Variants in LRRK1 observed in about 807,000 individuals in gnomAD.
LRRK1 encodes the protein leucine-rich repeat serine/threonine-protein kinase 1.
In LRRK1, 113 loss-of-function variants were observed where a neutral mutation model predicts 209.1. The observed-to-expected ratio is 0.54, with a 90% CI of 0.46 to 0.63. The LOEUF (loss-of-function observed/expected upper bound fraction) is 0.63. Among genes scored for constraint, LRRK1 ranks in the 30% least tolerant of loss-of-function variants. LRRK1 has a pLI of 0.00. For missense variants in LRRK1, 2,284 were observed against 2,632.2 expected, an observed-to-expected ratio of 0.87 and a Z score of 2.89; for synonymous variants, 1,144 against 1,099.7, an observed-to-expected ratio of 1.04 and a Z score of -0.80.
Position 101,012,163 on chromosome 15 carries a change from T to A in LRRK1, c.1419+18T>A. On this transcript the variant is annotated intron_variant, in intron 10 of 33. Transcript: ENST00000388948. ...AGCTTGATGTAAGCCTAATAGCCCT[T>A]TCTTTCTCATTTTCGGCTTTTGAGA... 1 of 1,577,664 alleles carries A rather than the reference T, an allele frequency of 6.3e-7. No individual in the cohort carries two copies. The highest frequency in any genetic ancestry group is 8.6e-7 in the Non-Finnish European group (1 of 1,166,336).
At chr15:100,987,809 A>C (rs1241012427) in intron 4 of LRRK1, among the ~76,000 whole-genome samples, 9 of 152,312 alleles carry the variant, frequency 5.9e-5, no homozygotes, top group African/African-American at 1.9e-4. Flanking sequence ...AAATTATTTT[A>C]TTTCTAAAAT....
intron 6 of LRRK1, among the ~76,000 whole-genome samples, chr15:101,003,498 C>T (rs1213415279): frequency 6.6e-6 from 1 of 152,162 alleles, no homozygotes; most frequent in African/African-American, 2.4e-5. Context: ...GTTTAATGGA[C>T]TCACAGTTCC....
rs2033795334 is a variant in LRRK1, at chr15:101,021,697, G to C, written c.1740-148G>C. 5 of 590,774 alleles carry C rather than the reference G, an allele frequency of 8.5e-6. No individual in the cohort carries two copies. In the East Asian group the frequency reaches 1.5e-4, roughly 17 times the overall value. 36.6% of individuals were successfully genotyped at this position (590,774 alleles called of 1,614,324 possible). A position where few individuals can be genotyped will look rare whatever the true frequency, so the allele number is the denominator to read the frequency against. ...CTGATCCTCCAGGAGAAAGCCTTTG[G>C]AATTAGTGTTGAAATCAGGGCTCAA... On this transcript the variant is annotated intron_variant, in intron 13 of 33. Transcript: ENST00000388948.
chr15:101,012,973 G>A (rs1321870713), intron 10 of LRRK1, among the ~76,000 whole-genome samples: 1 of 152,178 alleles, frequency 6.6e-6, no homozygotes, highest in Admixed American at 6.5e-5. Context: ...CAGCCCCTGG[G>A]CCCCTGTTCT....
intron 28 of LRRK1, among the ~76,000 whole-genome samples, chr15:101,057,261 T>A (rs2035864976): frequency 6.6e-6 from 1 of 152,216 alleles, no homozygotes; most frequent in Non-Finnish European, 1.5e-5. Flanking sequence ...AAACTTCCTT[T>A]TCCTCCCCGA....
intron 12 of LRRK1, among the ~76,000 whole-genome samples, chr15:101,017,902 T>C (rs2033615858): frequency 6.6e-6 from 1 of 150,484 alleles, no homozygotes; most frequent in African/African-American, 2.4e-5. Context: ...AACAATCAGG[T>C]TTAAGTATAA....
At chr15:100,927,632 G>GT (rs2042138996) in intron 2 of LRRK1, among the ~76,000 whole-genome samples, 2 of 152,204 alleles carry the variant, frequency 1.3e-5, no homozygotes, top group African/African-American at 4.8e-5. Context: ...AGAACACAGA[G>GT]TTGAAGAGGA....
rs2036777259 is a variant in LRRK1 at position 101,070,828 on chromosome 15, CT to C, written c.*1982del. 6.6e-6 allele frequency: 1 copy of C among 150,814 alleles called. No homozygotes were observed. Among genetic ancestry groups the C allele is most frequent in the Admixed American group, 6.6e-5 (1 of 15,130 alleles). 9.3% of individuals were successfully genotyped at this position (150,814 alleles called of 1,614,324 possible). ...AAAAATACAGGAAATGACTAATGAA[CT>C]TGACTCCATGAAATTGAAACTTACG... On this transcript the variant is annotated 3_prime_UTR_variant, in exon 34 of 34. Coordinates refer to ENST00000388948, the MANE Select transcript of LRRK1 (RefSeq NM_024652.6).
chr15:100,951,812 C>T (rs1047250372), intron 2 of LRRK1, among the ~76,000 whole-genome samples: 9 of 151,874 alleles, frequency 5.9e-5, no homozygotes, highest in Non-Finnish European at 1.3e-4. Context: ...ATTAGCCAGG[C>T]ATGGTGGCAT....
chr15:101,041,106 C>A (rs2034733411), intron 20 of LRRK1, among the ~76,000 whole-genome samples: 1 of 152,224 alleles, frequency 6.6e-6, no homozygotes. Context: ...GGTGTCATGC[C>A]TGTGTAATGA....
intron 2 of LRRK1, among the ~76,000 whole-genome samples, chr15:100,973,519 C>T (rs933635277): frequency 1.3e-5 from 2 of 152,192 alleles, no homozygotes; most frequent in South Asian, 4.1e-4. Flanking sequence ...GCCGCTCCCC[C>T]GCGGGCCGCT....
chr15:101,010,502 T>C lies in LRRK1; in HGVS notation c.1042T>C (p.Phe348Leu), dbSNP rs1310385882. 6.2e-7 allele frequency: 1 copy of C among 1,612,808 alleles called. No individual in the cohort carries two copies. Among genetic ancestry groups the C allele is most frequent in the Non-Finnish European group, 8.5e-7 (1 of 1,179,694 alleles). ...CAAGTTGTCCCACCTCCCTCCTGGATTCTTGCACCTCTCAAAACTTCAAAA... is the reference window on the plus strand; with the variant it reads ...CAAGTTGTCCCACCTCCCTCCTGGACTCTTGCACCTCTCAAAACTTCAAAA... ...SNKLSHLPPG[F>L]LHLSKLQKLT... is the part of the protein sequence containing the mutation. Residue 348 changes from phenylalanine to leucine, a missense_variant, in exon 8 of 34, where the codon TTC (phenylalanine) becomes CTC (leucine). Physicochemically the swap from Phe to Leu is conservative, Grantham distance 22 (BLOSUM62 0). Coordinates refer to ENST00000388948, the MANE Select transcript of LRRK1 (RefSeq NM_024652.6).
rs3764742 is a variant in LRRK1 at position 101,066,579 on chromosome 15, C to T, written c.5769-61C>T. 4.4e-4 allele frequency: 657 copies of T among 1,499,404 alleles called. 3 individuals carry two copies. In the East Asian group the frequency reaches 0.012, roughly 27 times the overall value. 92.9% of individuals were successfully genotyped at this position (1,499,404 alleles called of 1,614,324 possible). Reference sequence around the variant, plus strand: ...CCCGCACCTTTCTGCACACCGGCTTCACTCCCCGGAGAGCACGGCTACCGA... The same window carrying T: ...CCCGCACCTTTCTGCACACCGGCTTTACTCCCCGGAGAGCACGGCTACCGA... On this transcript the variant is annotated intron_variant, in intron 32 of 33. Coordinates refer to ENST00000388948, the MANE Select transcript of LRRK1 (RefSeq NM_024652.6).
chr15:101,008,463 G>C (rs1052947168), intron 6 of LRRK1, among the ~76,000 whole-genome samples: 5 of 152,188 alleles, frequency 3.3e-5, no homozygotes, highest in Admixed American at 6.5e-5. Flanking sequence ...TCTCCAGTCT[G>C]GGGGAGGCGC....
At chr15:101,005,807 G>A (rs960275622) in intron 6 of LRRK1, among the ~76,000 whole-genome samples, 22 of 102,030 alleles carry the variant, frequency 2.2e-4, no homozygotes, top group South Asian at 1.0e-3. Context: ...ATGATACTTG[G>A]GAAAAAAAAG....
At chr15:101,038,674 T>C (rs1403179234) in intron 20 of LRRK1, among the ~76,000 whole-genome samples, 1 of 152,244 alleles carries the variant, frequency 6.6e-6, no homozygotes, top group African/African-American at 2.4e-5. Context: ...TCCTGTCACT[T>C]TTCTGTTGAA....
intron 2 of LRRK1, among the ~76,000 whole-genome samples, chr15:100,941,304 G>GTGTGTGTCTGTGTCTC (rs2042405360): frequency 5.2e-5 from 6 of 114,592 alleles, no homozygotes; most frequent in African/African-American, 1.6e-4. Flanking sequence ...GTGTGTCTAT[G>GTGTGTGTCTGTGTCTC]TGTGTGTGTC....
chr15:100,927,047 G>A (rs879765452), intron 2 of LRRK1, among the ~76,000 whole-genome samples: 1 of 152,150 alleles, frequency 6.6e-6, no homozygotes, highest in Admixed American at 6.5e-5. Flanking sequence ...TGAGAATCAG[G>A]CCATCTAAAT....
chr15:101,057,085 T>A (rs1450620043), intron 28 of LRRK1, 35 bp downstream of exon 28: 7 of 1,526,242 alleles, frequency 4.6e-6, no homozygotes, highest in Non-Finnish European at 6.2e-6. Context: ...GCCTGGGACC[T>A]CCTGCCATGT....
Sources: gnomAD v4.1 joint callset for allele counts (sites outside exome capture counted in the v4.1 genomes callset) on GRCh38, gnomAD v4.1.1 for gene constraint, MANE v1.5 for transcripts, NCBI Gene and HGNC (gene_info 2026-07-23, HGNC 2026-07-21) for gene names.